GFRA1: variants seen among roughly 807,000 people sequenced by gnomAD.
The protein encoded by GFRA1 is GDNF family receptor alpha 1.
Under a neutral mutation model 51.6 loss-of-function variants are expected in GFRA1, and 16 were observed. That is an observed-to-expected ratio of 0.31 (90% CI 0.21 to 0.47). GFRA1 has a LOEUF of 0.47. Ranked by LOEUF, GFRA1 falls within the 20% of genes least tolerant of loss-of-function variation. The probability of loss-of-function intolerance (pLI) is 1.00; values close to 1 mark genes in which losing one functional copy is unlikely to be tolerated. For synonymous variants in GFRA1, 270 were observed against 241.3 expected (o/e 1.12, Z -1.10); for missense variants, 530 against 594.3 (o/e 0.89, Z 1.13).
intron 6 of GFRA1, among the ~76,000 whole-genome samples, chr10:116,105,426 G>T (rs111263195): frequency 1.8e-4 from 28 of 152,324 alleles, no homozygotes; most frequent in African/African-American, 6.7e-4. Context: ...ACCTTCGGAA[G>T]TAAATGCCTG....
rs150021614 is a variant in GFRA1 at position 116,119,754 on chromosome 10, C to CA, written c.770+5466dup. Among the ~76,000 whole-genome samples, 1,479 of 152,306 alleles carry CA rather than the reference C, an allele frequency of 9.7e-3. 77 individuals carry two copies. The East Asian group carries it at 0.14, about 15-fold the overall frequency. On this transcript the variant is annotated intron_variant, in intron 6 of 10. Transcript: ENST00000355422. ...TGTGTGAAGGGGGTCTCATTCCAGG[C>CA]AAACGAAACACATTTCTCACCTTTT...
At chr10:116,074,232 G>A (rs1389047778) in intron 9 of GFRA1, among the ~76,000 whole-genome samples, 1 of 152,106 alleles carries the variant, frequency 6.6e-6, no homozygotes, top group Non-Finnish European at 1.5e-5. Flanking sequence ...AAGAGGCTGC[G>A]CTGAGATTTG....
chr10:116,183,770 C>G (rs1962450040), intron 5 of GFRA1, among the ~76,000 whole-genome samples: 1 of 152,216 alleles, frequency 6.6e-6, no homozygotes, highest in African/African-American at 2.4e-5. Flanking sequence ...TCCTCTGTAA[C>G]AGGGCAGGAC....
intron 4 of GFRA1, among the ~76,000 whole-genome samples, chr10:116,219,321 G>C (rs1374365522): frequency 6.6e-6 from 1 of 152,132 alleles, no homozygotes; most frequent in African/African-American, 2.4e-5. Flanking sequence ...GTACTTTATA[G>C]AGCTGATAAA....
Position 116,074,142 on chromosome 10 carries a change from T to C in GFRA1, c.1198-8516A>G, listed in dbSNP as rs543353268. ...TACACCCATCGCTGAAACTACTTTC[T>C]GAGGGGTGTGCTCCCCTTTCGTATG... is the stretch of plus-strand genomic sequence containing the variant. On this transcript the variant is annotated intron_variant, in intron 9 of 10. Transcript: ENST00000355422. 3.3e-5 allele frequency among the ~76,000 whole-genome samples: 5 copies of C among 152,304 alleles called. No individual in the cohort carries two copies. The South Asian group carries it at 8.3e-4, about 25-fold the overall frequency.
At chr10:116,174,223 T>A (rs1199627131) in intron 5 of GFRA1, among the ~76,000 whole-genome samples, 1 of 152,188 alleles carries the variant, frequency 6.6e-6, no homozygotes, top group Non-Finnish European at 1.5e-5. Flanking sequence ...TAAAATATGA[T>A]TCCAGTATAT....
rs189900682 is a variant in GFRA1, at chr10:116,063,321, G to A, written c.*1077C>T. Reference sequence around the variant, plus strand: ...ACAAAAGACAATGCTTGTCTGTTCTGTTTCCTCCTGCCTGTCCACAGTCAC... The same window carrying A: ...ACAAAAGACAATGCTTGTCTGTTCTATTTCCTCCTGCCTGTCCACAGTCAC... On this transcript the variant is annotated 3_prime_UTR_variant, in exon 11 of 11. Transcript: ENST00000355422. The A allele has an allele frequency of 6.6e-6, 1 of 152,352 alleles. No homozygotes were observed. The highest frequency in any genetic ancestry group is 1.5e-5 in the Non-Finnish European group (1 of 68,056). 9.4% of individuals were successfully genotyped at this position (152,352 alleles called of 1,614,324 possible).
At position 116,162,204 on chromosome 10, in the gene GFRA1, C is replaced by T. The variant is rs539465511; in HGVS notation, c.434-36647G>A. 2.0e-4 allele frequency among the ~76,000 whole-genome samples: 30 copies of T among 152,320 alleles called. No individual in the cohort carries two copies. In the South Asian group the frequency reaches 2.3e-3, roughly 12 times the overall value. On this transcript the variant is annotated intron_variant, in intron 5 of 10. Transcript: ENST00000355422. ...CAGCAGTAGTTGGACCTGGAGGCAG[C>T]GGAGCCAGGCCTGATTTGACCCATA...
intron 9 of GFRA1, among the ~76,000 whole-genome samples, chr10:116,084,052 C>G (rs1342103270): frequency 6.6e-6 from 1 of 152,150 alleles, no homozygotes; most frequent in Non-Finnish European, 1.5e-5. Context: ...GTGGCAGGTT[C>G]TCTGCTCCAG....
chr10:116,152,492 G>T (rs1393657577), intron 5 of GFRA1, among the ~76,000 whole-genome samples: 2 of 152,174 alleles, frequency 1.3e-5, no homozygotes, highest in Admixed American at 1.3e-4. Context: ...CCAGCAGAGG[G>T]CAGGGACCAG....
intron 6 of GFRA1, among the ~76,000 whole-genome samples, chr10:116,112,883 A>G (rs1448039834): frequency 6.6e-6 from 1 of 152,172 alleles, no homozygotes; most frequent in East Asian, 1.9e-4. Flanking sequence ...TGGCTAAACG[A>G]GCTGGGCGCA....
Position 116,184,108 on chromosome 10 carries a change from G to A in GFRA1, c.433+27523C>T, listed in dbSNP as rs144279918. Among the ~76,000 whole-genome samples the A allele has an allele frequency of 2.2e-3, 337 of 152,342 alleles. 1 individual carries two copies. Among genetic ancestry groups the A allele is most frequent in the Middle Eastern group, 3.4e-3 (1 of 294 alleles). On this transcript the variant is annotated intron_variant, in intron 5 of 10. Transcript: ENST00000355422. ...TGGATGTCTTCTAAGAAAGTCATTT[G>A]TTTTTGCATCAGCCCAATTGTTCAT...
rs756107948 is a variant in GFRA1, at chr10:116,125,457, G to A, written c.534C>T (p.Cys178=). The change falls in exon 6 of 11, where the codon TGC becomes TGT. Residue 178 remains cysteine, a synonymous_variant. Transcript: ENST00000355422. ...KKYRSAYITP[C]TTSVSNDVCN... The stretch of plus-strand genomic sequence containing the variant: ...AGACATCGTTGGACACGCTGGTGGT[G>A]CACGGGGTGATGTACGCCGACCTGT... The A allele has an allele frequency of 2.7e-5, 44 of 1,614,002 alleles. No homozygotes were observed. The South Asian group carries it at 4.4e-4, about 16-fold the overall frequency.
At chr10:116,221,342 G>A (rs1445798331) in intron 4 of GFRA1, among the ~76,000 whole-genome samples, 1 of 152,148 alleles carries the variant, frequency 6.6e-6, no homozygotes, top group Non-Finnish European at 1.5e-5. Context: ...ATACACCATT[G>A]ATAGACGTGT....
chr10:116,138,421 G>A (rs1565603343), intron 5 of GFRA1, among the ~76,000 whole-genome samples: 1 of 151,948 alleles, frequency 6.6e-6, no homozygotes, highest in Non-Finnish European at 1.5e-5. Flanking sequence ...ACTAAATCCT[G>A]GCTTTCTATT....
At chr10:116,152,672 C>T (rs1014086289) in intron 5 of GFRA1, among the ~76,000 whole-genome samples, 3 of 152,216 alleles carry the variant, frequency 2.0e-5, no homozygotes, top group Non-Finnish European at 4.4e-5. Context: ...GACGAACAAA[C>T]ATCCAAACCA....
At chr10:116,222,649 G>A (rs549139759) in intron 4 of GFRA1, among the ~76,000 whole-genome samples, 1 of 152,154 alleles carries the variant, frequency 6.6e-6, no homozygotes, top group South Asian at 2.1e-4. Flanking sequence ...TTCACACAGC[G>A]CCTGACACAT....
intron 5 of GFRA1, among the ~76,000 whole-genome samples, chr10:116,204,245 C>T (rs1230231693): frequency 6.6e-6 from 1 of 152,304 alleles, no homozygotes; most frequent in East Asian, 1.9e-4. Context: ...CTAGAATGAT[C>T]CATGTGGTGA....
intron 4 of GFRA1, among the ~76,000 whole-genome samples, chr10:116,254,910 G>C (rs1968704491): frequency 6.6e-6 from 1 of 152,152 alleles, no homozygotes; most frequent in Non-Finnish European, 1.5e-5. Flanking sequence ...TCCACAAAAG[G>C]ATTCTAGACA....
Sources: allele counts gnomAD v4.1 joint callset (sites outside exome capture counted in the v4.1 genomes callset), GRCh38; gene constraint gnomAD v4.1.1; transcripts MANE v1.5; gene names NCBI Gene and HGNC (gene_info 2026-07-23, HGNC 2026-07-21).